PAX7: variants seen among roughly 807,000 people sequenced by gnomAD.
PAX7 encodes paired box protein Pax-7.
PAX7 carries 18 observed loss-of-function variants against 50.7 expected under a neutral mutation model. That is an observed-to-expected ratio of 0.36 (90% CI 0.25 to 0.53). The LOEUF is 0.53. Among genes scored for constraint, PAX7 ranks in the 20% least tolerant of loss-of-function variants. PAX7 has a pLI of 0.93. For synonymous variants in PAX7, 310 were observed against 290.4 expected, an observed-to-expected ratio of 1.07 and a Z score of -0.69; for missense variants, 644 against 702.9, an observed-to-expected ratio of 0.92 and a Z score of 0.95.
At chr1:18,697,722 A>G (rs2089167462) in intron 5 of PAX7, among the ~76,000 whole-genome samples, 1 of 152,184 alleles carries the variant, frequency 6.6e-6, no homozygotes, top group African/African-American at 2.4e-5. Context: ...CAACAAAGGC[A>G]TGCCCTCTCC....
intron 4 of PAX7, among the ~76,000 whole-genome samples, chr1:18,645,149 C>T (rs1471145740): frequency 1.3e-5 from 2 of 152,172 alleles, no homozygotes; most frequent in East Asian, 1.9e-4. Flanking sequence ...TGCGCGCGCG[C>T]GCGTGCGTGC....
intron 4 of PAX7, among the ~76,000 whole-genome samples, chr1:18,684,387 C>T (rs563044252): frequency 9.2e-5 from 14 of 152,274 alleles, no homozygotes; most frequent in African/African-American, 2.9e-4. Context: ...TGTAATGGGA[C>T]GCTTCATCCT....
intron 4 of PAX7, among the ~76,000 whole-genome samples, chr1:18,680,121 C>T (rs1355614550): frequency 6.6e-6 from 1 of 152,118 alleles, no homozygotes; most frequent in African/African-American, 2.4e-5. Flanking sequence ...AAGTTACTTT[C>T]CTAGGTTAGT....
intron 5 of PAX7, among the ~76,000 whole-genome samples, chr1:18,698,155 C>T (rs760839364): frequency 6.6e-5 from 10 of 152,030 alleles, no homozygotes; most frequent in Non-Finnish European, 1.0e-4. Context: ...CTCCCACCCA[C>T]CCAAGATGTT....
intron 4 of PAX7, among the ~76,000 whole-genome samples, chr1:18,680,132 G>C (rs186993634): frequency 1.7e-4 from 26 of 152,276 alleles, no homozygotes; most frequent in Middle Eastern, 6.8e-3. Flanking sequence ...CTAGGTTAGT[G>C]GGGGGCTGGG....
At chr1:18,639,988 G>C (rs929984097) in intron 4 of PAX7, among the ~76,000 whole-genome samples, 2 of 151,702 alleles carry the variant, frequency 1.3e-5, no homozygotes, top group Non-Finnish European at 2.9e-5. Flanking sequence ...TCCAGGGGAC[G>C]GGGCGGGGGG....
chr1:18,713,907 G>C (rs2089385820), intron 7 of PAX7, among the ~76,000 whole-genome samples: 1 of 152,164 alleles, frequency 6.6e-6, no homozygotes, highest in African/African-American at 2.4e-5. Context: ...ATACAGACCA[G>C]GGCTCAAATG....
intron 4 of PAX7, among the ~76,000 whole-genome samples, chr1:18,690,902 G>A (rs2089059270): frequency 6.6e-6 from 1 of 152,178 alleles, no homozygotes; most frequent in Non-Finnish European, 1.5e-5. Context: ...AGGGGAGGTG[G>A]CCTTCCCAGG....
At chr1:18,716,929 C>A (rs1378563534) in intron 7 of PAX7, among the ~76,000 whole-genome samples, 2 of 151,526 alleles carry the variant, frequency 1.3e-5, no homozygotes, top group Non-Finnish European at 2.9e-5. Context: ...AGGGACCGGG[C>A]GCGGGCTCCC....
chr1:18,669,473 T>A (rs1314433693), intron 4 of PAX7, among the ~76,000 whole-genome samples: 1 of 152,194 alleles, frequency 6.6e-6, no homozygotes, highest in Non-Finnish European at 1.5e-5. Context: ...CCCAGCTCCC[T>A]CACTGACTGC....
chr1:18,676,934 A>C (rs994171418), intron 4 of PAX7, among the ~76,000 whole-genome samples: 4 of 152,150 alleles, frequency 2.6e-5, no homozygotes, highest in African/African-American at 9.7e-5. Flanking sequence ...GGGAAAATGC[A>C]GCTCAGAGAG....
chr1:18,735,521 G>A lies in PAX7; in HGVS notation c.1156-111G>A. 6.6e-7 allele frequency: 1 copy of A among 1,510,208 alleles called. No homozygotes were observed. Among genetic ancestry groups the A allele is most frequent in the Non-Finnish European group, 8.9e-7 (1 of 1,127,192 alleles). The allele number at this position is 1,510,208 out of a possible 1,614,324, so 93.6% of individuals were successfully genotyped here. A position where few individuals can be genotyped will look rare whatever the true frequency, so the allele number is the denominator to read the frequency against. ...ACCTCGAAGCTACAGAGACTTCAAG[G>A]GAACAACTCTGGCAAAGAGTGTTCC... On this transcript the variant is annotated intron_variant, in intron 7 of 8. Coordinates refer to ENST00000420770, the MANE Select transcript of PAX7 (RefSeq NM_001135254.2). This position sits in a 1 kb window ranked among gnomAD's most constrained non-coding sequence, Gnocchi z 4.0.
intron 7 of PAX7, among the ~76,000 whole-genome samples, chr1:18,734,657 T>C (rs1322320881): frequency 6.6e-6 from 1 of 152,142 alleles, no homozygotes; most frequent in Non-Finnish European, 1.5e-5. Context: ...TCTGTGTCCT[T>C]TGATAGATAA....
intron 7 of PAX7, among the ~76,000 whole-genome samples, chr1:18,711,481 T>C (rs1030229705): frequency 6.6e-6 from 1 of 152,126 alleles, no homozygotes; most frequent in African/African-American, 2.4e-5. Flanking sequence ...TTCAGTTAAC[T>C]GGACAATGCT....
rs759271136 is a variant in PAX7, at chr1:18,703,226, C to T, written c.1085C>T (p.Ser362Phe). Residue 362 changes from serine (S) to phenylalanine (F), a missense_variant, in exon 7 of 9, where the codon TCT becomes TTT. By Grantham distance (155) the Ser-to-Phe change is radical. Coordinates refer to ENST00000420770, the MANE Select transcript of PAX7 (RefSeq NM_001135254.2). ...YGARHSFSSY[S>F]DSFMNPAAPS... ...GCCCGCCACAGCTTCTCCAGCTACT[C>T]TGACAGCTTCATGAATCCGGCGGCG... The T allele has an allele frequency of 6.2e-7, 1 of 1,614,240 alleles. No homozygotes were observed.
chr1:18,736,185 C>T (rs1178233898), intron 8 of PAX7: 2 of 595,454 alleles, frequency 3.4e-6, no homozygotes, highest in East Asian at 5.7e-5. Flanking sequence ...AAGAAACAGG[C>T]CAGGCGTGGT....
At chr1:18,672,013 T>C (rs2088757485) in intron 4 of PAX7, among the ~76,000 whole-genome samples, 1 of 151,610 alleles carries the variant, frequency 6.6e-6, no homozygotes, top group African/African-American at 2.4e-5. Flanking sequence ...CTAAATAAAA[T>C]AGGAATAATA....
At chr1:18,694,949 G>A (rs2089132207) in intron 5 of PAX7, among the ~76,000 whole-genome samples, 1 of 152,114 alleles carries the variant, frequency 6.6e-6, no homozygotes, top group African/African-American at 2.4e-5. Flanking sequence ...TGCTTACATT[G>A]TATGGCTTCA....
At chr1:18,712,796 C>T (rs2089370965) in intron 7 of PAX7, among the ~76,000 whole-genome samples, 1 of 152,142 alleles carries the variant, frequency 6.6e-6, no homozygotes. Context: ...AAGGACCACT[C>T]TGGGGCCGGG....
Sources: allele counts gnomAD v4.1 joint callset (sites outside exome capture counted in the v4.1 genomes callset), GRCh38; gene constraint gnomAD v4.1.1; non-coding constraint Gnocchi (gnomAD v3.1); transcripts MANE v1.5; gene names NCBI Gene and HGNC (gene_info 2026-07-23, HGNC 2026-07-21).